YBX2: variants seen among roughly 807,000 people sequenced by gnomAD.
The protein encoded by YBX2 is Y-box-binding protein 2.
Under a neutral mutation model 44.4 loss-of-function variants are expected in YBX2, and 5 were observed. The ratio of observed to expected loss-of-function variants is 0.11; its 90% CI spans 0.06 to 0.24. The LOEUF (loss-of-function observed/expected upper bound fraction) is 0.24, where lower values mean the gene tolerates loss of function less well. YBX2 is among the 10% of genes least tolerant of loss of function. The pLI is 1.00. For missense variants in YBX2, 417 were observed against 526.9 expected (o/e 0.79, Z 2.04); for synonymous variants, 188 against 216.1 (o/e 0.87, Z 1.14).
In YBX2 at chr17:7,290,369, T is replaced by C. The variant is rs1341502330; in HGVS notation, c.626A>G (p.Lys209Arg). 6.2e-7 allele frequency: 1 copy of C among 1,613,716 alleles called. No individual in the cohort carries two copies. Among genetic ancestry groups the C allele is most frequent in the Admixed American group, 1.7e-5 (1 of 59,996 alleles). Residue 209 changes from lysine to arginine, a missense_variant, in exon 5 of 9, where the codon AAA becomes AGA. Lys to Arg is a conservative substitution (Grantham distance 26). Around this residue, in one of 3 missense-constraint regions of YBX2, gnomAD observed 257 missense variants for 261.7 expected, o/e 0.98. Coordinates refer to ENST00000007699, the MANE Select transcript of YBX2 (RefSeq NM_015982.4). ...CCCAGAGTCTTCAGCCCGCTCCCCTTTACTGCCAGGTCCTGTCCCCGCCGA... is the reference window on the plus strand; with the variant it reads ...CCCAGAGTCTTCAGCCCGCTCCCCTCTACTGCCAGGTCCTGTCCCCGCCGA... ...IPSAGTGPGS[K>R]GERAEDSGQR...
chr17:7,291,162 G>A lies in YBX2; in HGVS notation c.390C>T (p.Asn130=), dbSNP rs2072498964. The A allele has an allele frequency of 6.2e-7, 1 of 1,613,828 alleles. No homozygotes were observed. The highest frequency in any genetic ancestry group is 1.7e-5 in the Admixed American group (1 of 59,986). Residue 130 remains asparagine, a synonymous_variant, in exon 4 of 9, where the codon AAC becomes AAT. Transcript: ENST00000007699. This position sits in a 1 kb window ranked among gnomAD's most constrained non-coding sequence, Gnocchi z 5.8. The stretch of plus-strand genomic sequence containing the variant: ...CAACGCTGCGCAGAAACTTCCTGGG[G>A]TTGTTTCTTTTAATAGCTGTCTGAT... ...FVHQTAIKRN[N]PRKFLRSVGD...
chr17:7,290,662 T>C, intron 4 of YBX2, 127 bp from the exon 5 acceptor site: 1 of 1,129,684 alleles, frequency 8.9e-7, no homozygotes, highest in Non-Finnish European at 1.2e-6. Context: ...AACTTCTTTC[T>C]ACCCTCCCTG....
rs756743545 is a variant in YBX2, at chr17:7,289,958, G to C, written c.848+10C>G. The C allele has an allele frequency of 1.9e-6, 3 of 1,613,632 alleles. No homozygotes were observed. In the South Asian group the frequency reaches 3.3e-5, roughly 18 times the overall value. Reference sequence around the variant, plus strand: ...AAGGGGAAGACCAAGCCCCAGCAGGGGGGTCTTACCTTCGGTACCTGGGCC... The same window carrying C: ...AAGGGGAAGACCAAGCCCCAGCAGGCGGGTCTTACCTTCGGTACCTGGGCC... On this transcript the variant is annotated intron_variant, in intron 6 of 8. Coordinates refer to ENST00000007699, the MANE Select transcript of YBX2 (RefSeq NM_015982.4).
chr17:7,289,512 C>T lies in YBX2; in HGVS notation c.1044+18G>A. Reference sequence around the variant, plus strand: ...CTGGTCTCAGCCTTTTCTTTCATCCCACATCTGAGGTCCTCACCTCAGGGG... The same window carrying T: ...CTGGTCTCAGCCTTTTCTTTCATCCTACATCTGAGGTCCTCACCTCAGGGG... On this transcript the variant is annotated intron_variant, in intron 7 of 8. Coordinates refer to ENST00000007699, the MANE Select transcript of YBX2 (RefSeq NM_015982.4). 1 of 1,586,024 alleles carries T rather than the reference C, an allele frequency of 6.3e-7. No individual in the cohort carries two copies.
Position 7,291,034 on chromosome 17 carries a change from C to T in YBX2, c.459+59G>A. ...CCAGGAGGGTCTTAGCCTGTGATGA[C>T]CTCCAGGCCACCCTCCCGTAAGCCT... On this transcript the variant is annotated intron_variant, in intron 4 of 8. Coordinates refer to ENST00000007699, the MANE Select transcript of YBX2 (RefSeq NM_015982.4). The surrounding 1 kb of genome is among the most constrained non-coding windows in gnomAD (Gnocchi z 5.8). 1 of 1,564,524 alleles carries T rather than the reference C, an allele frequency of 6.4e-7. No homozygotes were observed. The highest frequency in any genetic ancestry group is 8.8e-7 in the Non-Finnish European group (1 of 1,136,602).
At chr17:7,289,784 C>T (rs920824283) in intron 6 of YBX2, 59 bp from the exon 7 acceptor site, 42 of 1,604,564 alleles carry the variant, frequency 2.6e-5, no homozygotes, top group Non-Finnish European at 3.5e-5. Flanking sequence ...CAGGGCTCAC[C>T]CAGCTGCCCC....
chr17:7,291,064 A>G lies in YBX2; in HGVS notation c.459+29T>C. 6.2e-7 allele frequency: 1 copy of G among 1,609,824 alleles called. No individual in the cohort carries two copies. The highest frequency in any genetic ancestry group is 1.1e-5 in the South Asian group (1 of 90,944). On this transcript the variant is annotated intron_variant, in intron 4 of 8. Transcript: ENST00000007699. The surrounding 1 kb of genome is among the most constrained non-coding windows in gnomAD (Gnocchi z 5.8). The stretch of plus-strand genomic sequence containing the variant: ...AGGCCACCCTCCCGTAAGCCTAGTC[A>G]ACTCTATACCCCATAGCAGTCCCCA...
In YBX2 at chr17:7,292,018, G is replaced by A; in HGVS notation, c.369+8C>T. 6.2e-7 allele frequency: 1 copy of A among 1,614,150 alleles called. No individual in the cohort carries two copies. The highest frequency in any genetic ancestry group is 2.2e-5 in the East Asian group (1 of 44,884). ...TTCTTCCCCTCAGAAAGCTAACCTA[G>A]CTCTTACCTGGTGAACAAAGACATC... On this transcript the variant is annotated splice_region_variant and intron_variant, in intron 3 of 8. Coordinates refer to ENST00000007699, the MANE Select transcript of YBX2 (RefSeq NM_015982.4).
rs2072501230 is a variant in YBX2 at position 7,291,469 on chromosome 17, C to G, written c.370-287G>C. 2.1e-6 allele frequency: 1 copy of G among 484,226 alleles called. No homozygotes were observed. The highest frequency in any genetic ancestry group is 3.3e-5 in the Admixed American group (1 of 30,296). 30.0% of individuals were successfully genotyped at this position (484,226 alleles called of 1,614,324 possible). A position where few individuals can be genotyped will look rare whatever the true frequency, so the allele number is the denominator to read the frequency against. On this transcript the variant is annotated intron_variant, in intron 3 of 8. Coordinates refer to ENST00000007699, the MANE Select transcript of YBX2 (RefSeq NM_015982.4). This position sits in a 1 kb window ranked among gnomAD's most constrained non-coding sequence, Gnocchi z 5.8. ...GAAAGGGAGGCAAGAAATATGAACT[C>G]CAAAGCAAAAGGCAGGGACAGCCTT...
chr17:7,294,306 G>C lies in YBX2; in HGVS notation c.195C>G (p.Thr65=), dbSNP rs1351223406. ...AGACCGCCGTCGCCGGATTGCCAGGGGTGCGGGAGCCCGGCGCCGAGGGGG... is the reference window on the plus strand; with the variant it reads ...AGACCGCCGTCGCCGGATTGCCAGGCGTGCGGGAGCCCGGCGCCGAGGGGG... ...AGTPSAPGSR[T]PGNPATAVSG... The change falls in exon 1 of 9, where the codon ACC becomes ACG. Residue 65 remains threonine, a synonymous_variant. Coordinates refer to ENST00000007699, the MANE Select transcript of YBX2 (RefSeq NM_015982.4). This position sits in a 1 kb window ranked among gnomAD's most constrained non-coding sequence, Gnocchi z 4.6. 7.8e-7 allele frequency: 1 copy of C among 1,279,150 alleles called. No homozygotes were observed. The highest frequency in any genetic ancestry group is 9.8e-7 in the Non-Finnish European group (1 of 1,019,300). 79.2% of individuals were successfully genotyped at this position (1,279,150 alleles called of 1,614,324 possible). A position where few individuals can be genotyped will look rare whatever the true frequency, so the allele number is the denominator to read the frequency against.
rs369386953 is a variant in YBX2 at position 7,290,539 on chromosome 17, G to A, written c.460-4C>T. The A allele has an allele frequency of 1.2e-6, 2 of 1,611,140 alleles. No individual in the cohort carries two copies. The highest frequency in any genetic ancestry group is 8.5e-7 in the Non-Finnish European group (1 of 1,178,184). On this transcript the variant is annotated splice_polypyrimidine_tract_variant and splice_region_variant and intron_variant, in intron 4 of 8. Transcript: ENST00000007699. ...TTACATTAGTGGCTTCTGCGCCCTGGGAAGGTGGTAAGGGAATAGTGAGAA... is the reference window on the plus strand; with the variant it reads ...TTACATTAGTGGCTTCTGCGCCCTGAGAAGGTGGTAAGGGAATAGTGAGAA...
intron 7 of YBX2, 149 bp downstream of exon 7, chr17:7,289,381 G>C: frequency 8.2e-7 from 1 of 1,219,246 alleles, no homozygotes; most frequent in East Asian, 2.6e-5. Flanking sequence ...TGCCAGGGGG[G>C]GACCCAGCAG....
chr17:7,293,969 G>T, intron 1 of YBX2: 1 of 460,034 alleles, frequency 2.2e-6, no homozygotes, highest in East Asian at 3.5e-5. Context: ...TGTCCCGCCC[G>T]GGGGCGTGGC....
intron 4 of YBX2, 121 bp downstream of exon 4, chr17:7,290,972 C>A: frequency 1.0e-6 from 1 of 970,594 alleles, no homozygotes; most frequent in South Asian, 1.3e-5. Flanking sequence ...GGTGAGAGAA[C>A]ACAGTCCCAT....
At position 7,288,488 on chromosome 17, in the gene YBX2, GA is replaced by G; in HGVS notation, c.*194del. The G allele has an allele frequency of 2.7e-6, 1 of 365,144 alleles. No homozygotes were observed. The highest frequency in any genetic ancestry group is 5.2e-6 in the Non-Finnish European group (1 of 192,166). The allele number at this position is 365,144 out of a possible 1,614,324, so 22.6% of individuals were successfully genotyped here. ...CCCTTCCTTCAACCCTTGATAAGGG[GA>G]GGGAAGAAAAAAGAAAAAGCAAAAG... is the stretch of plus-strand genomic sequence containing the variant. On this transcript the variant is annotated 3_prime_UTR_variant, in exon 9 of 9. Transcript: ENST00000007699.
At chr17:7,289,089 T>C (rs1334676900) in intron 7 of YBX2, among the ~76,000 whole-genome samples, 1 of 152,166 alleles carries the variant, frequency 6.6e-6, no homozygotes, top group Admixed American at 6.5e-5. Flanking sequence ...CTTGAACTCC[T>C]GACCCCAACT....
chr17:7,293,288 A>G (rs1236366133), intron 2 of YBX2, 187 bp downstream of exon 2: 1 of 1,005,752 alleles, frequency 9.9e-7, no homozygotes, highest in African/African-American at 1.6e-5. Context: ...ACCCTTGAAG[A>G]TGCGGAGGAG....
Position 7,291,007 on chromosome 17 carries a change from C to A in YBX2, c.459+86G>T. The A allele has an allele frequency of 7.4e-7, 1 of 1,358,310 alleles. No homozygotes were observed. Among genetic ancestry groups the A allele is most frequent in the Non-Finnish European group, 1.1e-6 (1 of 948,812 alleles). 84.1% of individuals were successfully genotyped at this position (1,358,310 alleles called of 1,614,324 possible). On this transcript the variant is annotated intron_variant, in intron 4 of 8. Coordinates refer to ENST00000007699, the MANE Select transcript of YBX2 (RefSeq NM_015982.4). The surrounding 1 kb of genome is among the most constrained non-coding windows in gnomAD (Gnocchi z 5.8). ...TTCCCGCAGAACGGGTCAGAGCTGG[C>A]CCCAGGAGGGTCTTAGCCTGTGATG... is the stretch of plus-strand genomic sequence containing the variant.
At chr17:7,289,814 G>C in intron 6 of YBX2, 89 bp from the exon 7 acceptor site, 1 of 1,597,822 alleles carries the variant, frequency 6.3e-7, no homozygotes, top group Non-Finnish European at 8.5e-7. Context: ...CCAGGAGCCA[G>C]GCTTCCAGCC....
Sources: allele counts gnomAD v4.1 joint callset (sites outside exome capture counted in the v4.1 genomes callset), GRCh38; gene constraint gnomAD v4.1.1; regional missense constraint gnomAD v4.1.1; non-coding constraint Gnocchi (gnomAD v3.1); transcripts MANE v1.5; gene names NCBI Gene and HGNC (gene_info 2026-07-23, HGNC 2026-07-21).